ODAD1: variants seen among roughly 807,000 people sequenced by gnomAD.
The protein encoded by ODAD1 is outer dynein arm-docking complex subunit 1.
Under a neutral mutation model 67.2 loss-of-function variants are expected in ODAD1, and 49 were observed. The observed-to-expected ratio is 0.73, with a 90% CI of 0.58 to 0.92. The LOEUF (loss-of-function observed/expected upper bound fraction) is 0.92. ODAD1 is among the 40% of genes least tolerant of loss of function. The probability of loss-of-function intolerance (pLI) is 0.00; values close to 1 mark genes in which losing one functional copy is unlikely to be tolerated. For synonymous variants in ODAD1, 345 were observed against 393.7 expected, an observed-to-expected ratio of 0.88 and a Z score of 1.46; for missense variants, 897 against 953.7, an observed-to-expected ratio of 0.94 and a Z score of 0.78.
In ODAD1 at chr19:48,302,627, C is replaced by T. The variant is rs552782046; in HGVS notation, c.1240+67G>A. 20 of 1,401,738 alleles carry T rather than the reference C, an allele frequency of 1.4e-5. No individual in the cohort carries two copies. The East Asian group carries it at 2.1e-4, about 14-fold the overall frequency. The allele number at this position is 1,401,738 out of a possible 1,614,324, so 86.8% of individuals were successfully genotyped here. On this transcript the variant is annotated intron_variant, in intron 12 of 15. Coordinates refer to ENST00000674294, the MANE Select transcript of ODAD1 (RefSeq NM_001364171.2). ...TTGTCCATGCAATGCCTCCAAGCCC[C>T]GCGGGCTGATGGTGTCCTTCCAAGT...
At chr19:48,318,346 G>A in intron 5 of ODAD1, 41 bp downstream of exon 5, 1 of 1,515,148 alleles carries the variant, frequency 6.6e-7, no homozygotes, top group East Asian at 2.5e-5. Context: ...TACAACACTT[G>A]CCCGTAAGCA....
In ODAD1 at chr19:48,303,978, A is replaced by T. The variant is rs1267863263; in HGVS notation, c.828T>A (p.Asp276Glu). 2.5e-6 allele frequency: 4 copies of T among 1,614,060 alleles called. No individual in the cohort carries two copies. The highest frequency in any genetic ancestry group is 3.4e-6 in the Non-Finnish European group (4 of 1,180,002). The change falls in exon 9 of 16, where the codon GAT becomes GAA. Residue 276 changes from aspartate (D) to glutamate (E), a missense_variant. Transcript: ENST00000674294. Reference protein sequence around the residue: ...LKNNDRQPDPDVLEKREKQAG... With the variant: ...LKNNDRQPDPEVLEKREKQAG... ...CCTGCTTTTCACGCTTCTCCAGGAC[A>T]TCGGGATCCGGCTGCCGGTCGTTGT...
intron 5 of ODAD1, among the ~76,000 whole-genome samples, chr19:48,312,852 C>T (rs117169410): frequency 0.037 from 5,577 of 152,238 alleles, 147 homozygotes; most frequent in Middle Eastern, 0.071. Flanking sequence ...AGATGAGAGT[C>T]GGAGAGACGG....
rs1283436683 is a variant in ODAD1, at chr19:48,321,661, TGAGGTCTCACTAGTACCGCG to T, written c.-67_-64+16del. The T allele has an allele frequency of 7.7e-6, 3 of 387,606 alleles. No homozygotes were observed. The highest frequency in any genetic ancestry group is 1.4e-5 in the Non-Finnish European group (3 of 219,238). The allele number at this position is 387,606 out of a possible 1,614,324, so 24.0% of individuals were successfully genotyped here. On this transcript the variant is annotated splice_donor_variant and splice_donor_5th_base_variant and 5_prime_UTR_variant and intron_variant, in exon 1 of 16. Transcript: ENST00000674294. LOFTEE classifies it low-confidence loss of function (5UTR_SPLICE). ...GAAATGGTCCTGGGGAGGTCGAGGC[TGAGGTCTCACTAGTACCGCG>T]GGCCTGGAAGCGGCGGGAGTTGAAA... is the stretch of plus-strand genomic sequence containing the variant.
intron 12 of ODAD1, among the ~76,000 whole-genome samples, chr19:48,298,979 A>C (rs1284503251): frequency 2.7e-5 from 4 of 150,614 alleles, no homozygotes; most frequent in Non-Finnish European, 4.4e-5. Context: ...GCTCCCCACC[A>C]CCCCCCACCT....
chr19:48,305,753 A>G (rs1314518952), intron 8 of ODAD1, among the ~76,000 whole-genome samples: 1 of 151,756 alleles, frequency 6.6e-6, no homozygotes, highest in East Asian at 1.9e-4. Context: ...AGGTTAATTT[A>G]CATGCCCAAG....
In ODAD1 at chr19:48,302,755, C is replaced by G; in HGVS notation, c.1179G>C (p.Glu393Asp). 6 of 1,613,692 alleles carry G rather than the reference C, an allele frequency of 3.7e-6. No homozygotes were observed. Among genetic ancestry groups the G allele is most frequent in the Non-Finnish European group, 5.1e-6 (6 of 1,180,032 alleles). Residue 393 changes from glutamate (E) to aspartate (D), a missense_variant, in exon 12 of 16, where the codon GAG becomes GAC. Glu to Asp is a conservative substitution (Grantham distance 45). Transcript: ENST00000674294. ...LQQRMDKVHS[E>D]AERLEARFQD... Reference sequence around the variant, plus strand: ...GGAAGCGGGCCTCAAGGCGCTCAGCCTCCGAGTGCACCTTGTCCATGCGCT... The same window carrying G: ...GGAAGCGGGCCTCAAGGCGCTCAGCGTCCGAGTGCACCTTGTCCATGCGCT...
At position 48,303,965 on chromosome 19, in the gene ODAD1, G is replaced by C. The variant is rs773791686; in HGVS notation, c.841C>G (p.Arg281Gly). The C allele has an allele frequency of 3.1e-6, 5 of 1,613,922 alleles. No homozygotes were observed. The highest frequency in any genetic ancestry group is 4.2e-6 in the Non-Finnish European group (5 of 1,179,828). ...RQPDPDVLEK[R>G]EKQAGEVAEG... ...GCCCCAGCCTCACCCTGCTTTTCAC[G>C]CTTCTCCAGGACATCGGGATCCGGC... is the stretch of plus-strand genomic sequence containing the variant. Residue 281 changes from arginine to glycine, a missense_variant, in exon 9 of 16, where the codon CGT becomes GGT. By Grantham distance (125) the Arg-to-Gly change is moderately radical. Transcript: ENST00000674294.
intron 5 of ODAD1, among the ~76,000 whole-genome samples, chr19:48,317,852 C>G (rs1382191739): frequency 6.6e-6 from 1 of 152,030 alleles, no homozygotes; most frequent in Non-Finnish European, 1.5e-5. Flanking sequence ...GTGGGCGGAT[C>G]ACAAGGTCAG....
intron 10 of ODAD1, 182 bp downstream of exon 10, chr19:48,303,468 G>A: frequency 3.0e-6 from 2 of 663,870 alleles, no homozygotes; most frequent in Non-Finnish European, 5.1e-6. Flanking sequence ...GGGGTGGGGA[G>A]GGGCAGAGAC....
intron 12 of ODAD1, among the ~76,000 whole-genome samples, chr19:48,302,477 GAT>G (rs1232634057): frequency 2.6e-5 from 4 of 151,958 alleles, no homozygotes; most frequent in African/African-American, 9.7e-5. Context: ...TGGATGGATG[GAT>G]GGGTGTAGGA....
At chr19:48,317,154 T>C (rs1435598719) in intron 5 of ODAD1, among the ~76,000 whole-genome samples, 1 of 152,058 alleles carries the variant, frequency 6.6e-6, no homozygotes, top group East Asian at 1.9e-4. Context: ...GACAAATTGG[T>C]TTTTTCAATG....
At chr19:48,307,804 C>G (rs931167371) in intron 7 of ODAD1, among the ~76,000 whole-genome samples, 1 of 129,400 alleles carries the variant, frequency 7.7e-6, no homozygotes, top group African/African-American at 3.0e-5. Flanking sequence ...GCCTGGGTGA[C>G]AAAGCGAGAC....
chr19:48,312,412 G>GTTTTTTTTTTTTTTTTT (rs528076931), intron 5 of ODAD1, among the ~76,000 whole-genome samples: 1 of 76,944 alleles, frequency 1.3e-5, no homozygotes, highest in Non-Finnish European at 2.3e-5. Context: ...TTTTTTTTTT[G>GTTTTTTTTTTTTTTTTT]TTTTTTTTTT....
intron 2 of ODAD1, 32 bp from the exon 3 acceptor site, chr19:48,320,423 C>G (rs1448926392): frequency 8.2e-7 from 1 of 1,213,072 alleles, no homozygotes; most frequent in South Asian, 1.3e-5. Flanking sequence ...ACCCTTCAGA[C>G]AGCAGGCGGG....
chr19:48,305,086 G>C (rs184163949), intron 8 of ODAD1, among the ~76,000 whole-genome samples: 2 of 152,196 alleles, frequency 1.3e-5, no homozygotes, highest in Admixed American at 1.3e-4. Flanking sequence ...AGCTGATGTC[G>C]ATCAGGGACC....
intron 5 of ODAD1, among the ~76,000 whole-genome samples, chr19:48,312,792 C>T (rs377251304): frequency 4.1e-4 from 62 of 152,302 alleles, no homozygotes; most frequent in African/African-American, 1.4e-3. Context: ...CCTGTCATGG[C>T]CCCACCACAG....
intron 5 of ODAD1, among the ~76,000 whole-genome samples, chr19:48,312,379 G>A (rs1450534907): frequency 6.6e-6 from 1 of 151,006 alleles, no homozygotes; most frequent in Admixed American, 6.6e-5. Flanking sequence ...TGACCCCATG[G>A]AGCTAGCCTG....
rs778339123 is a variant in ODAD1 at position 48,297,658 on chromosome 19, G to A, written c.1513C>T (p.Pro505Ser). 1.5e-5 allele frequency: 23 copies of A among 1,512,422 alleles called. No homozygotes were observed. The highest frequency in any genetic ancestry group is 1.9e-5 in the Non-Finnish European group (22 of 1,131,798). 93.7% of individuals were successfully genotyped at this position (1,512,422 alleles called of 1,614,324 possible). A position where few individuals can be genotyped will look rare whatever the true frequency, so the allele number is the denominator to read the frequency against. ...TAGTCATCGCTGGCCTCAAAACCCG[G>A]GGGGTCTTCTCTGGGGAGGGGAAGG... The part of the protein sequence containing the change: ...LQPPDTLEDP[P>S]GFEASDDYPM... The change falls in exon 15 of 16, where the codon CCG becomes TCG. Residue 505 changes from proline (P) to serine (S), a missense_variant. Physicochemically the swap from Pro to Ser is moderately conservative, Grantham distance 74. Transcript: ENST00000674294.
Sources: gnomAD v4.1 joint callset for allele counts (sites outside exome capture counted in the v4.1 genomes callset) on GRCh38, gnomAD v4.1.1 for gene constraint, MANE v1.5 for transcripts, NCBI Gene and HGNC (gene_info 2026-07-23, HGNC 2026-07-21) for gene names.